Variants in TMEM182 observed in about 807,000 individuals in gnomAD.
TMEM182 encodes transmembrane protein 182.
Under a neutral mutation model 26.8 loss-of-function variants are expected in TMEM182, and 20 were observed. The ratio of observed to expected loss-of-function variants is 0.75; its 90% CI spans 0.53 to 1.09. The LOEUF is 1.09. TMEM182 is among the 50% of genes least tolerant of loss of function. The probability of loss-of-function intolerance (pLI) is 0.00; values close to 1 mark genes in which losing one functional copy is unlikely to be tolerated. For missense variants in TMEM182, 277 were observed against 275.5 expected (o/e 1.01, Z -0.04); for synonymous variants, 109 against 102.2 (o/e 1.07, Z -0.40).
chr2:102,752,720 G>A (rs190190482), intron 1 of TMEM182, among the ~76,000 whole-genome samples: 3 of 152,308 alleles, frequency 2.0e-5, no homozygotes, highest in East Asian at 3.9e-4. Context: ...CAAGCACCTC[G>A]TCTGGAAAGT....
In TMEM182 at chr2:102,816,938, C is replaced by T. The variant is rs188630784; in HGVS notation, c.*1970C>T. ...AGATGGTTATCCTCACTTTATAGTA[C>T]ACTTAAGTGGCTACCATATATTTTT... On this transcript the variant is annotated 3_prime_UTR_variant, in exon 5 of 5. Coordinates refer to ENST00000412401, the MANE Select transcript of TMEM182 (RefSeq NM_144632.5). 1.3e-4 allele frequency: 124 copies of T among 985,680 alleles called. 1 individual carries two copies. The African/African-American group carries it at 1.4e-3, about 11-fold the overall frequency. The allele number at this position is 985,680 out of a possible 1,614,324, so 61.1% of individuals were successfully genotyped here. A position where few individuals can be genotyped will look rare whatever the true frequency, so the allele number is the denominator to read the frequency against.
chr2:102,763,204 GTT>G (rs1205986020), intron 2 of TMEM182, among the ~76,000 whole-genome samples: 1 of 152,084 alleles, frequency 6.6e-6, no homozygotes, highest in Non-Finnish European at 1.5e-5. Flanking sequence ...CTTTAACCAA[GTT>G]TGTTGGCACT....
chr2:102,749,311 A>T (rs1055668259), intron 1 of TMEM182, among the ~76,000 whole-genome samples: 44 of 152,178 alleles, frequency 2.9e-4, no homozygotes, highest in African/African-American at 1.1e-3. Flanking sequence ...AACTGAAAGA[A>T]GCTCATCATA....
At position 102,814,646 on chromosome 2, in the gene TMEM182, G is replaced by A. The variant is rs1449816345; in HGVS notation, c.470-102G>A. On this transcript the variant is annotated intron_variant, in intron 4 of 4. Coordinates refer to ENST00000412401, the MANE Select transcript of TMEM182 (RefSeq NM_144632.5). Reference sequence around the variant, plus strand: ...TAGAGTATTTGATTTTGCTAGAAATGTATTTGCAGGAGCTTGTCATCCGGT... The same window carrying A: ...TAGAGTATTTGATTTTGCTAGAAATATATTTGCAGGAGCTTGTCATCCGGT... The A allele has an allele frequency of 9.1e-6, 9 of 989,186 alleles. No individual in the cohort carries two copies. In the Middle Eastern group the frequency reaches 8.8e-4, roughly 97 times the overall value. 61.3% of individuals were successfully genotyped at this position (989,186 alleles called of 1,614,324 possible).
chr2:102,794,061 C>G (rs1681764095), intron 3 of TMEM182, among the ~76,000 whole-genome samples: 1 of 152,112 alleles, frequency 6.6e-6, no homozygotes, highest in Admixed American at 6.5e-5. Context: ...CAGAGCAAGA[C>G]TCTGTCTCAA....
At chr2:102,808,867 C>T (rs1682445629) in intron 4 of TMEM182, among the ~76,000 whole-genome samples, 2 of 152,154 alleles carry the variant, frequency 1.3e-5, no homozygotes, top group Admixed American at 6.5e-5. Flanking sequence ...TTTATAATGA[C>T]GTTCTAAGGA....
Position 102,816,713 on chromosome 2 carries a change from A to G in TMEM182, c.*1745A>G. 1 of 985,740 alleles carries G rather than the reference A, an allele frequency of 1.0e-6. No individual in the cohort carries two copies. Among genetic ancestry groups the G allele is most frequent in the Non-Finnish European group, 1.2e-6 (1 of 829,906 alleles). 61.1% of individuals were successfully genotyped at this position (985,740 alleles called of 1,614,324 possible). ...AAAATAATTATGAGGTCTGTTGTGC[A>G]TGTTGACTGTGATATTAAGTTATGG... is the stretch of plus-strand genomic sequence containing the variant. On this transcript the variant is annotated 3_prime_UTR_variant, in exon 5 of 5. Transcript: ENST00000412401.
At chr2:102,763,127 AT>A (rs1022502961) in intron 2 of TMEM182, among the ~76,000 whole-genome samples, 5 of 152,114 alleles carry the variant, frequency 3.3e-5, no homozygotes, top group Non-Finnish European at 7.4e-5. Flanking sequence ...TTAACAGTAT[AT>A]TTTTTTTAAA....
chr2:102,799,810 G>A (rs1039472434), intron 4 of TMEM182, among the ~76,000 whole-genome samples: 16 of 152,294 alleles, frequency 1.1e-4, no homozygotes, highest in Non-Finnish European at 8.8e-5. Context: ...TTCAGGTTTC[G>A]TGGCTGGCTT....
intron 4 of TMEM182, among the ~76,000 whole-genome samples, chr2:102,798,318 C>T (rs1347703376): frequency 1.3e-5 from 2 of 152,154 alleles, no homozygotes. Context: ...CTGTCACTGA[C>T]TCACTCCAAG....
chr2:102,804,758 A>C (rs535325184), intron 4 of TMEM182, among the ~76,000 whole-genome samples: 1 of 152,310 alleles, frequency 6.6e-6, no homozygotes, highest in South Asian at 2.1e-4. Flanking sequence ...AAAAGTAGTT[A>C]ATATAAACTA....
At position 102,816,787 on chromosome 2, in the gene TMEM182, T is replaced by C. The variant is rs1392083524; in HGVS notation, c.*1819T>C. ...ATGTTGGATGTATCTGATTAGTTCA[T>C]GTCATCTGTAAATACAATTCTTTTT... On this transcript the variant is annotated 3_prime_UTR_variant, in exon 5 of 5. Coordinates refer to ENST00000412401, the MANE Select transcript of TMEM182 (RefSeq NM_144632.5). The C allele has an allele frequency of 3.0e-5, 30 of 985,754 alleles. No homozygotes were observed. The highest frequency in any genetic ancestry group is 3.6e-5 in the Non-Finnish European group (30 of 829,930). 61.1% of individuals were successfully genotyped at this position (985,754 alleles called of 1,614,324 possible). A position where few individuals can be genotyped will look rare whatever the true frequency, so the allele number is the denominator to read the frequency against.
chr2:102,739,428 T>C (rs1177153742), intron 1 of TMEM182, among the ~76,000 whole-genome samples: 1 of 152,164 alleles, frequency 6.6e-6, no homozygotes, highest in African/African-American at 2.4e-5. Context: ...TCATGTCGAA[T>C]TGTAGTCCCC....
At position 102,813,030 on chromosome 2, in the gene TMEM182, GT is replaced by G; in HGVS notation, c.470-1716del. Among the ~76,000 whole-genome samples, 3 of 152,268 alleles carry G rather than the reference GT, an allele frequency of 2.0e-5. No homozygotes were observed. The Middle Eastern group carries it at 0.01, about 518-fold the overall frequency. On this transcript the variant is annotated intron_variant, in intron 4 of 4. Transcript: ENST00000412401. ...TGGCTTTACTATTTCTCTGTGATTA[GT>G]TGTTTCTCAGTGGCTATATTGCTCT... is the stretch of plus-strand genomic sequence containing the variant.
intron 3 of TMEM182, among the ~76,000 whole-genome samples, chr2:102,785,901 T>C (rs1681369014): frequency 6.6e-6 from 1 of 152,184 alleles, no homozygotes; most frequent in Admixed American, 6.5e-5. Flanking sequence ...TTTGCTATAA[T>C]TATTTTCTAC....
At chr2:102,826,770 GC>G in intron 3 of TMEM182, among the ~76,000 whole-genome samples, 1 of 152,072 alleles carries the variant, frequency 6.6e-6, no homozygotes, top group Non-Finnish European at 1.5e-5. Flanking sequence ...TTGCCCAGGA[GC>G]ATGATCAGAG....
chr2:102,802,706 T>C (rs997729413), intron 4 of TMEM182, among the ~76,000 whole-genome samples: 1 of 152,176 alleles, frequency 6.6e-6, no homozygotes, highest in Admixed American at 6.5e-5. Context: ...AGCTGAATAG[T>C]CATAATCCCT....
At chr2:102,814,475 CTT>C in intron 4 of TMEM182, among the ~76,000 whole-genome samples, 1 of 152,082 alleles carries the variant, frequency 6.6e-6, no homozygotes, top group Admixed American at 6.6e-5. Flanking sequence ...TTCACAAGCA[CTT>C]ACTACAGTCC....
chr2:102,836,730 T>C (rs1683253949), intron 3 of TMEM182, among the ~76,000 whole-genome samples: 1 of 152,198 alleles, frequency 6.6e-6, no homozygotes, highest in African/African-American at 2.4e-5. Flanking sequence ...GTTAAAGGAC[T>C]CACTCAGAGT....
Sources: allele counts gnomAD v4.1 joint callset (sites outside exome capture counted in the v4.1 genomes callset), GRCh38; gene constraint gnomAD v4.1.1; transcripts MANE v1.5; gene names NCBI Gene and HGNC (gene_info 2026-07-23, HGNC 2026-07-21).